The following PTPN14 variants were observed in gnomAD, a reference collection of about 807,000 sequenced individuals.
PTPN14 encodes protein tyrosine phosphatase non-receptor type 14.
PTPN14 carries 53 observed loss-of-function variants against 126.8 expected under a neutral mutation model. The observed-to-expected ratio is 0.42, with a 90% CI of 0.34 to 0.53. PTPN14 has a LOEUF of 0.53. Ranked by LOEUF, PTPN14 falls within the 20% of genes least tolerant of loss-of-function variation. The probability of loss-of-function intolerance (pLI) is 0.08; values close to 1 mark genes in which losing one functional copy is unlikely to be tolerated. For missense variants in PTPN14, 1,257 were observed against 1,552.9 expected (o/e 0.81, Z 3.20); for synonymous variants, 630 against 599.3 (o/e 1.05, Z -0.75).
intron 1 of PTPN14, among the ~76,000 whole-genome samples, chr1:214,541,992 C>T (rs1655848444): frequency 6.6e-6 from 1 of 152,160 alleles, no homozygotes; most frequent in Non-Finnish European, 1.5e-5. Flanking sequence ...GTTTCCATCA[C>T]TCAGCTTAGG....
intron 11 of PTPN14, among the ~76,000 whole-genome samples, chr1:214,390,224 A>T (rs1460812264): frequency 6.6e-6 from 1 of 152,272 alleles, no homozygotes; most frequent in Non-Finnish European, 1.5e-5. Flanking sequence ...AAGAATTGTG[A>T]GTTAAAACAA....
At chr1:214,533,534 TAA>T (rs566782675) in intron 1 of PTPN14, 4,419 of 206,388 alleles carry the variant, frequency 0.021, no homozygotes, top group South Asian at 0.036. Context: ...GCGGTTTAAA[TAA>T]AAAAAAAAAA....
chr1:214,452,042 G>A (rs1220863348), intron 2 of PTPN14, 68 bp from the exon 3 acceptor site: 7 of 1,514,762 alleles, frequency 4.6e-6, no homozygotes, highest in East Asian at 2.3e-5. Context: ...CACAAGAAAC[G>A]AGACTCCAGC....
intron 1 of PTPN14, among the ~76,000 whole-genome samples, chr1:214,474,534 G>A (rs576684078): frequency 1.1e-4 from 16 of 152,226 alleles, no homozygotes; most frequent in African/African-American, 3.9e-4. Context: ...CATACAAATC[G>A]GTGTCCAAAA....
intron 2 of PTPN14, among the ~76,000 whole-genome samples, chr1:214,460,612 T>C (rs866760079): frequency 6.7e-6 from 1 of 149,246 alleles, no homozygotes; most frequent in Non-Finnish European, 1.5e-5. Flanking sequence ...CACACACACA[T>C]ACACACACAC....
intron 1 of PTPN14, among the ~76,000 whole-genome samples, chr1:214,550,007 C>T (rs1389323533): frequency 6.6e-6 from 1 of 152,206 alleles, no homozygotes; most frequent in East Asian, 1.9e-4. Context: ...GAGCTGTTTC[C>T]TCTGCCTGGA....
intron 1 of PTPN14, among the ~76,000 whole-genome samples, chr1:214,468,902 C>T (rs10746445): frequency 0.92 from 139,603 of 152,258 alleles, 64,122 homozygotes; most frequent in African/African-American, 0.97. Flanking sequence ...TATTTTAATA[C>T]ACTAATCTAG....
At chr1:214,512,042 C>T (rs1654986516) in intron 1 of PTPN14, among the ~76,000 whole-genome samples, 1 of 152,046 alleles carries the variant, frequency 6.6e-6, no homozygotes, top group African/African-American at 2.4e-5. Flanking sequence ...TCTCCCAGGG[C>T]TAGTCAATTC....
intron 1 of PTPN14, among the ~76,000 whole-genome samples, chr1:214,507,128 C>G (rs1353237694): frequency 6.6e-6 from 1 of 152,148 alleles, no homozygotes; most frequent in African/African-American, 2.4e-5. Context: ...AAAAACTTCA[C>G]AGTTCCACAT....
intron 3 of PTPN14, among the ~76,000 whole-genome samples, chr1:214,420,696 A>C (rs1402838614): frequency 6.6e-6 from 1 of 152,256 alleles, no homozygotes; most frequent in Non-Finnish European, 1.5e-5. Flanking sequence ...TTTAGAAAAG[A>C]AAAACTCATT....
At chr1:214,521,744 C>T (rs1339188217) in intron 1 of PTPN14, among the ~76,000 whole-genome samples, 9 of 151,468 alleles carry the variant, frequency 5.9e-5, no homozygotes, top group African/African-American at 9.7e-5. Flanking sequence ...CACACACACA[C>T]GAACAAAAGA....
intron 3 of PTPN14, among the ~76,000 whole-genome samples, chr1:214,418,994 C>A (rs1488311505): frequency 6.6e-6 from 1 of 152,148 alleles, no homozygotes; most frequent in African/African-American, 2.4e-5. Context: ...AAACTGGGCC[C>A]TTATGTGTAT....
At chr1:214,518,467 C>T (rs1221154026) in intron 1 of PTPN14, among the ~76,000 whole-genome samples, 3 of 152,124 alleles carry the variant, frequency 2.0e-5, no homozygotes, top group Non-Finnish European at 4.4e-5. Context: ...CAAATATAGG[C>T]TTTTGTCTTG....
At chr1:214,474,317 A>G (rs1363830799) in intron 1 of PTPN14, among the ~76,000 whole-genome samples, 1 of 152,184 alleles carries the variant, frequency 6.6e-6, no homozygotes, top group Non-Finnish European at 1.5e-5. Context: ...AACATCATAC[A>G]CTTTGCTCAG....
intron 3 of PTPN14, among the ~76,000 whole-genome samples, chr1:214,422,077 G>A (rs890670013): frequency 5.3e-5 from 8 of 152,118 alleles, no homozygotes; most frequent in African/African-American, 1.9e-4. Flanking sequence ...GAAGAAAGGA[G>A]GGAGAAAGGG....
At chr1:214,399,226 ACAT>A (rs1299178067) in intron 7 of PTPN14, among the ~76,000 whole-genome samples, 1 of 152,218 alleles carries the variant, frequency 6.6e-6, no homozygotes, top group Non-Finnish European at 1.5e-5. Context: ...ATCATAGACA[ACAT>A]CACAGCAATA....
chr1:214,387,395 C>T (rs1272687069), intron 11 of PTPN14, among the ~76,000 whole-genome samples: 5 of 152,086 alleles, frequency 3.3e-5, no homozygotes, highest in African/African-American at 9.7e-5. Context: ...GCCTGTAGTC[C>T]GAGCTACTCG....
intron 4 of PTPN14, 78 bp downstream of exon 4, chr1:214,414,551 T>G (rs1042387334): frequency 1.5e-5 from 19 of 1,290,472 alleles, no homozygotes; most frequent in Non-Finnish European, 2.1e-5. Context: ...TAAATCTAAC[T>G]TCTCACTCTG....
chr1:214,383,170 G>T lies in PTPN14; in HGVS notation c.2544+141C>A. The T allele has an allele frequency of 9.1e-7, 1 of 1,097,414 alleles. No individual in the cohort carries two copies. The highest frequency in any genetic ancestry group is 1.3e-6 in the Non-Finnish European group (1 of 780,300). The allele number at this position is 1,097,414 out of a possible 1,614,324, so 68.0% of individuals were successfully genotyped here. ...TGAAAGGGCAAAAACTCAACATTTT[G>T]TGTAATAAAGTACTACCTTTTAAAT... is the stretch of plus-strand genomic sequence containing the variant. On this transcript the variant is annotated intron_variant, in intron 13 of 18. Transcript: ENST00000366956. The surrounding 1 kb of genome is among the most constrained non-coding windows in gnomAD (Gnocchi z 4.4).
Sources: gnomAD v4.1 joint callset for allele counts (sites outside exome capture counted in the v4.1 genomes callset) on GRCh38, gnomAD v4.1.1 for gene constraint, Gnocchi (gnomAD v3.1) non-coding constraint, MANE v1.5 for transcripts, NCBI Gene and HGNC (gene_info 2026-07-23, HGNC 2026-07-21) for gene names.